Variants in ZNRF3 observed in about 807,000 individuals in gnomAD.
The protein encoded by ZNRF3 is E3 ubiquitin-protein ligase ZNRF3.
A neutral mutation model predicts 72.5 loss-of-function variants in ZNRF3; 23 were observed. The observed-to-expected ratio is 0.32, with a 90% CI of 0.23 to 0.45. The LOEUF is 0.45. Among genes scored for constraint, ZNRF3 ranks in the 20% least tolerant of loss-of-function variants. The probability of loss-of-function intolerance (pLI) is 1.00; values close to 1 mark genes in which losing one functional copy is unlikely to be tolerated. For synonymous variants in ZNRF3, 610 were observed against 545.3 expected, an observed-to-expected ratio of 1.12 and a Z score of -1.65; for missense variants, 1,169 against 1,272.1, an observed-to-expected ratio of 0.92 and a Z score of 1.23.
chr22:29,041,522 A>ATTGTAAATGGG lies in ZNRF3; in HGVS notation c.427-973_427-972insTTGTAAATGGG, dbSNP rs1440966129. Among the ~76,000 whole-genome samples the ATTGTAAATGGG allele has an allele frequency of 1.1e-4, 16 of 152,254 alleles. 1 individual carries two copies. The highest frequency in any genetic ancestry group is 2.6e-4 in the Admixed American group (4 of 15,288). ...TCCCGTCACTTCTCATTTGTTCCTA[A>ATTGTAAATGGG]AACATTCTAATCTCATCCCTCTGAT... On this transcript the variant is annotated intron_variant, in intron 2 of 8. Transcript: ENST00000544604.
chr22:28,970,006 TGAGAA>T (rs1280421160), intron 1 of ZNRF3, among the ~76,000 whole-genome samples: 1 of 152,182 alleles, frequency 6.6e-6, no homozygotes, highest in African/African-American at 2.4e-5. Context: ...TGCCATTACT[TGAGAA>T]GAGGAACATG....
chr22:29,021,737 C>T (rs1178717029), intron 2 of ZNRF3, among the ~76,000 whole-genome samples: 1 of 152,172 alleles, frequency 6.6e-6, no homozygotes, highest in Non-Finnish European at 1.5e-5. Context: ...ACCCACCCAC[C>T]TCGACCTCCC....
chr22:28,919,536 C>CT (rs1049657576), intron 1 of ZNRF3, among the ~76,000 whole-genome samples: 1 of 149,704 alleles, frequency 6.7e-6, no homozygotes, highest in African/African-American at 2.5e-5. Flanking sequence ...CTTTTAGCCT[C>CT]TTTACTTTTT....
At chr22:29,053,491 G>A in intron 8 of ZNRF3, 88 bp from the exon 9 acceptor site, 2 of 1,332,368 alleles carry the variant, frequency 1.5e-6, no homozygotes, top group Non-Finnish European at 2.1e-6. Context: ...CCTGCCACAT[G>A]CTGGGGACAG....
intron 1 of ZNRF3, among the ~76,000 whole-genome samples, chr22:28,914,096 C>T (rs572994983): frequency 3.3e-5 from 5 of 152,146 alleles, no homozygotes; most frequent in Non-Finnish European, 5.9e-5. Context: ...TCCTTTTTCT[C>T]AAAGGACCCA....
chr22:29,020,860 G>A (rs1388076538), intron 2 of ZNRF3, among the ~76,000 whole-genome samples: 1 of 151,170 alleles, frequency 6.6e-6, no homozygotes, highest in Non-Finnish European at 1.5e-5. Context: ...GCAGTGGGGC[G>A]ATCTTGGCTC....
At chr22:28,899,920 G>C (rs973738250) in intron 1 of ZNRF3, among the ~76,000 whole-genome samples, 26 of 151,892 alleles carry the variant, frequency 1.7e-4, no homozygotes, top group African/African-American at 6.0e-4. Flanking sequence ...CGAACTCTTG[G>C]GCTCAAGCAA....
chr22:29,004,151 G>A (rs892125383), intron 2 of ZNRF3, among the ~76,000 whole-genome samples: 2 of 152,238 alleles, frequency 1.3e-5, no homozygotes, highest in African/African-American at 2.4e-5. Context: ...AGCAAGGCCC[G>A]GCTGAGAAGT....
chr22:28,992,925 G>T (rs1227056876), intron 2 of ZNRF3: 3 of 151,938 alleles, frequency 2.0e-5, no homozygotes, highest in African/African-American at 7.3e-5. Context: ...AGTGGGGGTT[G>T]TGTAAGACAG....
At chr22:29,043,195 A>C in intron 3 of ZNRF3, 104 bp from the exon 4 acceptor site, 1 of 1,297,564 alleles carries the variant, frequency 7.7e-7, no homozygotes, top group African/African-American at 1.5e-5. Flanking sequence ...GAGCTGGAGG[A>C]TTCCAGACAG....
At chr22:28,928,516 C>T (rs184998550) in intron 1 of ZNRF3, among the ~76,000 whole-genome samples, 2,921 of 108,378 alleles carry the variant, frequency 0.027, 75 homozygotes, top group African/African-American at 0.064. Context: ...TTTTTTTTGA[C>T]GGAGTCTTGC....
At chr22:29,003,545 C>A (rs892034988) in intron 2 of ZNRF3, among the ~76,000 whole-genome samples, 10 of 151,012 alleles carry the variant, frequency 6.6e-5, no homozygotes, top group Non-Finnish European at 2.9e-5. Context: ...ATTTGATGTG[C>A]ACGCATCTCT....
chr22:28,952,755 AC>A (rs1299093210), intron 1 of ZNRF3, among the ~76,000 whole-genome samples: 19 of 152,194 alleles, frequency 1.2e-4, no homozygotes, highest in Admixed American at 3.3e-4. Flanking sequence ...TGTATTTAAA[AC>A]ATCTCTGGAA....
At chr22:28,911,767 A>G (rs956601643) in intron 1 of ZNRF3, among the ~76,000 whole-genome samples, 11 of 152,086 alleles carry the variant, frequency 7.2e-5, no homozygotes, top group Non-Finnish European at 1.5e-5. Context: ...TCCTGCCCCT[A>G]ACCCCTCAGT....
chr22:29,009,069 T>C (rs1372064479), intron 2 of ZNRF3, among the ~76,000 whole-genome samples: 2 of 152,182 alleles, frequency 1.3e-5, no homozygotes, highest in Non-Finnish European at 1.5e-5. Flanking sequence ...GCCTCCCTCC[T>C]TGGTACTGCA....
At chr22:29,032,117 C>T (rs762389162) in intron 2 of ZNRF3, among the ~76,000 whole-genome samples, 2 of 152,216 alleles carry the variant, frequency 1.3e-5, no homozygotes, top group Non-Finnish European at 2.9e-5. Flanking sequence ...GGCCATATTT[C>T]TCCGCAGGTT....
intron 1 of ZNRF3, among the ~76,000 whole-genome samples, chr22:28,893,559 G>A (rs144802952): frequency 0.013 from 1,914 of 150,824 alleles, 49 homozygotes; most frequent in African/African-American, 0.044. Context: ...GTGCAGTGGC[G>A]TGATCTTGGC....
At chr22:28,930,988 C>A (rs765473072) in intron 1 of ZNRF3, among the ~76,000 whole-genome samples, 1 of 152,048 alleles carries the variant, frequency 6.6e-6, no homozygotes, top group African/African-American at 2.4e-5. Flanking sequence ...GGTGAGAATA[C>A]CAAGGGTTTG....
At chr22:28,927,079 C>G (rs2034615888) in intron 1 of ZNRF3, among the ~76,000 whole-genome samples, 2 of 150,838 alleles carry the variant, frequency 1.3e-5, no homozygotes, top group African/African-American at 2.4e-5. Context: ...GAGATCATTT[C>G]ACTGCAACAG....
Sources: gnomAD v4.1 joint callset for allele counts (sites outside exome capture counted in the v4.1 genomes callset) on GRCh38, gnomAD v4.1.1 for gene constraint, MANE v1.5 for transcripts, NCBI Gene and HGNC (gene_info 2026-07-23, HGNC 2026-07-21) for gene names.